PTH2R: variants seen among roughly 807,000 people sequenced by gnomAD.
The protein encoded by PTH2R is PTH2 receptor.
In PTH2R, 59 loss-of-function variants were observed where a neutral mutation model predicts 60.3. The ratio of observed to expected loss-of-function variants is 0.98; its 90% CI spans 0.79 to 1.22. The LOEUF is 1.22. PTH2R is among the 50% of genes most tolerant of loss of function. PTH2R has a pLI of 0.00. For missense variants in PTH2R, 749 were observed against 682.6 expected (o/e 1.10, Z -1.08); for synonymous variants, 256 against 243.8 (o/e 1.05, Z -0.47).
chr2:208,483,241 G>T (rs989755334), intron 10 of PTH2R, among the ~76,000 whole-genome samples: 1 of 152,144 alleles, frequency 6.6e-6, no homozygotes, highest in Non-Finnish European at 1.5e-5. Flanking sequence ...TATACATTGT[G>T]CATGAGTTTA....
At chr2:208,405,467 T>C (rs1342486535), upstream of PTH2R, among the ~76,000 whole-genome samples, 1 of 152,116 alleles carries the variant, frequency 6.6e-6, no homozygotes, top group Non-Finnish European at 1.5e-5. Flanking sequence ...GTCAGAAAAA[T>C]ATTTTATATT....
intron 10 of PTH2R, among the ~76,000 whole-genome samples, chr2:208,487,499 A>G (rs939827032): frequency 6.6e-6 from 1 of 152,232 alleles, no homozygotes; most frequent in African/African-American, 2.4e-5. Context: ...TTTCTTGGAT[A>G]AAAAGTATAA....
chr2:208,491,873 G>T (rs1703412350), intron 12 of PTH2R, among the ~76,000 whole-genome samples: 1 of 152,174 alleles, frequency 6.6e-6, no homozygotes, highest in African/African-American at 2.4e-5. Flanking sequence ...CTGGCTGCTT[G>T]TTGTTAGAAG....
chr2:208,450,908 G>A, intron 8 of PTH2R, 99 bp downstream of exon 8: 1 of 1,314,596 alleles, frequency 7.6e-7, no homozygotes, highest in South Asian at 1.2e-5. Flanking sequence ...TGATGCCATT[G>A]CTTTTTAGGG....
intron 9 of PTH2R, among the ~76,000 whole-genome samples, chr2:208,462,899 A>G (rs1702662321): frequency 6.6e-6 from 1 of 152,206 alleles, no homozygotes; most frequent in Middle Eastern, 3.2e-3. Flanking sequence ...GCCTCACTAA[A>G]GAATTGACAC....
chr2:208,427,870 CTAATA>C (rs1473320432), intron 1 of PTH2R, among the ~76,000 whole-genome samples: 3 of 150,580 alleles, frequency 2.0e-5, no homozygotes, highest in Non-Finnish European at 4.4e-5. Flanking sequence ...TATATTATCT[CTAATA>C]TAATTATTTT....
intron 10 of PTH2R, among the ~76,000 whole-genome samples, chr2:208,486,731 C>T (rs1419359910): frequency 6.6e-6 from 1 of 152,170 alleles, no homozygotes; most frequent in South Asian, 2.1e-4. Flanking sequence ...GGGAAGGGGG[C>T]ACTCACCATC....
At chr2:208,489,182 G>A (rs1468386264) in intron 11 of PTH2R, 32 bp downstream of exon 11, 1 of 1,611,486 alleles carries the variant, frequency 6.2e-7, no homozygotes. Context: ...TCTGATTCTT[G>A]TAATTTGCAG....
At chr2:208,386,513 C>CGT (rs149148891) in intron 1 of PTH2R, among the ~76,000 whole-genome samples, 14 of 151,214 alleles carry the variant, frequency 9.3e-5, no homozygotes, top group East Asian at 1.9e-4. Flanking sequence ...TGTGTGTGTG[C>CGT]GTGTGTGTGT....
chr2:208,428,999 C>T (rs1052344472), intron 2 of PTH2R, among the ~76,000 whole-genome samples: 8 of 150,898 alleles, frequency 5.3e-5, no homozygotes, highest in Non-Finnish European at 1.0e-4. Context: ...GCAGGAGAAT[C>T]GCTTGAACCC....
intron 1 of PTH2R, among the ~76,000 whole-genome samples, chr2:208,368,709 A>G (rs1700639541): frequency 6.6e-6 from 1 of 152,146 alleles, no homozygotes; most frequent in African/African-American, 2.4e-5. Context: ...GACAATGGAT[A>G]TATAAAAGCA....
At chr2:208,420,915 T>C (rs969006397) in intron 1 of PTH2R, among the ~76,000 whole-genome samples, 1 of 152,232 alleles carries the variant, frequency 6.6e-6, no homozygotes, top group African/African-American at 2.4e-5. Flanking sequence ...AGGAATCCTT[T>C]CATAGCCACA....
chr2:208,477,490 CA>C (rs1206092098), intron 9 of PTH2R, among the ~76,000 whole-genome samples: 5 of 151,830 alleles, frequency 3.3e-5, no homozygotes, highest in Non-Finnish European at 5.9e-5. Flanking sequence ...TTGCAGACTA[CA>C]TATTGGGTAC....
At chr2:208,395,391 G>GA (rs1348866237) in intron 1 of PTH2R, among the ~76,000 whole-genome samples, 9 of 150,822 alleles carry the variant, frequency 6.0e-5, no homozygotes, top group Middle Eastern at 3.4e-3. Context: ...GTATTGCTGT[G>GA]AAAAAAAAAT....
At chr2:208,421,811 C>A (rs1701761747) in intron 1 of PTH2R, among the ~76,000 whole-genome samples, 1 of 152,112 alleles carries the variant, frequency 6.6e-6, no homozygotes, top group Non-Finnish European at 1.5e-5. Flanking sequence ...TGTTACTTGG[C>A]CCATTCACAC....
chr2:208,492,210 C>T (rs1703419599), intron 12 of PTH2R, among the ~76,000 whole-genome samples: 4 of 152,224 alleles, frequency 2.6e-5, no homozygotes, highest in African/African-American at 9.6e-5. Flanking sequence ...CTTCTTTTCT[C>T]ACTCTGACTC....
At chr2:208,485,812 G>T (rs146537677) in intron 10 of PTH2R, among the ~76,000 whole-genome samples, 24 of 152,232 alleles carry the variant, frequency 1.6e-4, no homozygotes, top group African/African-American at 5.8e-4. Context: ...CTTTCCATTG[G>T]TTAGTTTACT....
chr2:208,428,274 T>C lies in PTH2R; in HGVS notation c.149T>C (p.Leu50Pro). Residue 50 changes from leucine to proline, a missense_variant, in exon 2 of 13, where the codon CTC becomes CCC. By Grantham distance (98) the Leu-to-Pro change is moderately conservative. Transcript: ENST00000272847. ...CTGAAAGCGAAAGTACAATGTGAAC[T>C]CAACATCACAGCTCAACTCCAGGAG... Reference protein sequence around the residue: ...LVLKAKVQCELNITAQLQEGE... With the variant: ...LVLKAKVQCEPNITAQLQEGE... 1.2e-6 allele frequency: 2 copies of C among 1,613,218 alleles called. No individual in the cohort carries two copies. The highest frequency in any genetic ancestry group is 4.5e-5 in the East Asian group (2 of 44,864).
At chr2:208,389,133 A>G (rs1701060199) in intron 1 of PTH2R, among the ~76,000 whole-genome samples, 1 of 152,160 alleles carries the variant, frequency 6.6e-6, no homozygotes, top group South Asian at 2.1e-4. Flanking sequence ...AGCTACAGGA[A>G]AAAACTAAGT....
Sources: allele counts gnomAD v4.1 joint callset (sites outside exome capture counted in the v4.1 genomes callset), GRCh38; gene constraint gnomAD v4.1.1; transcripts MANE v1.5; gene names NCBI Gene and HGNC (gene_info 2026-07-23, HGNC 2026-07-21).